The following ACOT12 variants were observed in gnomAD, a reference collection of about 807,000 sequenced individuals.
ACOT12 encodes the protein acetyl-coenzyme A thioesterase.
ACOT12 carries 51 observed loss-of-function variants against 67.7 expected under a neutral mutation model. The ratio of observed to expected loss-of-function variants is 0.75; its 90% CI spans 0.60 to 0.95. The LOEUF (loss-of-function observed/expected upper bound fraction) is 0.95, where lower values mean the gene tolerates loss of function less well. ACOT12 is among the 40% of genes least tolerant of loss of function. The pLI, the probability that ACOT12 is intolerant of heterozygous loss-of-function variation, is 0.00. For missense variants in ACOT12, 734 were observed against 708.1 expected (o/e 1.04, Z -0.41); for synonymous variants, 251 against 244.6 (o/e 1.03, Z -0.24).
At chr5:81,378,405 C>T (rs1406250031) in intron 2 of ACOT12, among the ~76,000 whole-genome samples, 51 of 152,098 alleles carry the variant, frequency 3.4e-4, no homozygotes, top group Admixed American at 3.3e-3. Flanking sequence ...CTAGGCAATA[C>T]CATTCAGGAC....
At chr5:81,359,860 T>C (rs1370154045) in intron 5 of ACOT12, 43 bp downstream of exon 5, 3 of 1,573,170 alleles carry the variant, frequency 1.9e-6, no homozygotes, top group Non-Finnish European at 2.6e-6. Context: ...CCTTTGCCTG[T>C]CACAGTTATA....
chr5:81,392,192 T>A (rs1205384706), intron 1 of ACOT12, among the ~76,000 whole-genome samples: 1 of 152,168 alleles, frequency 6.6e-6, no homozygotes, highest in Non-Finnish European at 1.5e-5. Flanking sequence ...ATGACTGGGA[T>A]TGCAGTAATG....
intron 1 of ACOT12, among the ~76,000 whole-genome samples, chr5:81,387,532 CT>C (rs71000823): frequency 0.088 from 11,212 of 127,220 alleles, 510 homozygotes; most frequent in Middle Eastern, 0.16. Context: ...TCTTGAGTAT[CT>C]TTTTTTTTTT....
chr5:81,332,897 C>A (rs1333603032), intron 12 of ACOT12, among the ~76,000 whole-genome samples: 1 of 151,962 alleles, frequency 6.6e-6, no homozygotes, highest in Non-Finnish European at 1.5e-5. Context: ...AAAACCCTAT[C>A]TTTATAAAAA....
the ACOT12 span, chr5:81,311,154 T>A: frequency 6.3e-7 from 1 of 1,578,988 alleles, no homozygotes; most frequent in Non-Finnish European, 8.7e-7. Context: ...TGCTTTGAGA[T>A]GTTAAAAACC....
Position 81,371,790 on chromosome 5 carries a change from A to T in ACOT12, c.218T>A (p.Ile73Asn). ...GAATGCTCTAGTAACTTTTGCTTTGATGGTTATAACTTGTCCAACTCTAGG... is the reference window on the plus strand; with the variant it reads ...GAATGCTCTAGTAACTTTTGCTTTGTTGGTTATAACTTGTCCAACTCTAGG... ...ETARVGQVITIKAKVTRAFST... is the reference protein window; with the variant it reads ...ETARVGQVITNKAKVTRAFST... Residue 73 changes from isoleucine to asparagine, a missense_variant, in exon 3 of 15, where the codon ATC becomes AAC. Transcript: ENST00000307624. 1 of 1,614,138 alleles carries T rather than the reference A, an allele frequency of 6.2e-7. No homozygotes were observed.
the ACOT12 span, among the ~76,000 whole-genome samples, chr5:81,314,481 C>T: frequency 6.0e-4 from 91 of 152,130 alleles, no homozygotes; most frequent in African/African-American, 2.1e-3. Flanking sequence ...CTGAATGTAA[C>T]ATTAAACACG....
chr5:81,322,958 G>C, the ACOT12 span, among the ~76,000 whole-genome samples: 2 of 151,906 alleles, frequency 1.3e-5, no homozygotes, highest in Non-Finnish European at 2.9e-5. Flanking sequence ...GGATTATAGG[G>C]ATTACAATTC....
rs1174593861 is a variant in ACOT12, at chr5:81,335,767, C to T, written c.1262+1G>A. 1 of 1,603,046 alleles carries T rather than the reference C, an allele frequency of 6.2e-7. No individual in the cohort carries two copies. The highest frequency in any genetic ancestry group is 8.5e-7 in the Non-Finnish European group (1 of 1,177,194). On this transcript the variant is annotated splice_donor_variant, in intron 12 of 14. Coordinates refer to ENST00000307624, the MANE Select transcript of ACOT12 (RefSeq NM_130767.3). LOFTEE classifies it high-confidence loss of function. ...AGAAAAATTTTTAAATTTGTTCTTA[C>T]ACAAAATGGGGGTCCCACAAAGGTC...
At chr5:81,311,431 T>A in the ACOT12 span, 1 of 825,386 alleles carries the variant, frequency 1.2e-6, no homozygotes, top group Non-Finnish European at 2.0e-6. Context: ...CTGTCAGCAA[T>A]AGACACACAT....
rs535107448 is a variant in ACOT12 at position 81,360,214 on chromosome 5, TA to T, written c.361-177del. Among the ~76,000 whole-genome samples, 9 of 152,302 alleles carry T rather than the reference TA, an allele frequency of 5.9e-5. No individual in the cohort carries two copies. The South Asian group carries it at 1.0e-3, about 18-fold the overall frequency. ...ATTTTTTCTTAAATTATTTTTAAACTAAAAAAATCAACATAGGCGTAATTAT... is the reference window on the plus strand; with the variant it reads ...ATTTTTTCTTAAATTATTTTTAAACTAAAAAATCAACATAGGCGTAATTAT... On this transcript the variant is annotated intron_variant, in intron 4 of 14. Transcript: ENST00000307624.
In ACOT12 at chr5:81,344,234, T is replaced by C. The variant is rs770866549; in HGVS notation, c.925-19A>G. On this transcript the variant is annotated intron_variant, in intron 8 of 14. Coordinates refer to ENST00000307624, the MANE Select transcript of ACOT12 (RefSeq NM_130767.3). ...AATCATCCTTTAATCAAAAACAAAG[T>C]AAAATCAATAAAATAAAATAAAATA... 19 of 1,601,248 alleles carry C rather than the reference T, an allele frequency of 1.2e-5. No individual in the cohort carries two copies. In the East Asian group the frequency reaches 2.3e-4, roughly 19 times the overall value.
At chr5:81,381,060 A>G (rs891558862) in intron 2 of ACOT12, among the ~76,000 whole-genome samples, 1 of 151,634 alleles carries the variant, frequency 6.6e-6, no homozygotes, top group Non-Finnish European at 1.5e-5. Flanking sequence ...AAAATGCAGT[A>G]TTAAAACCTT....
At chr5:81,333,272 T>G (rs565153099) in intron 12 of ACOT12, among the ~76,000 whole-genome samples, 1 of 152,228 alleles carries the variant, frequency 6.6e-6, no homozygotes, top group East Asian at 1.9e-4. Flanking sequence ...GTAAATCATA[T>G]AGTCAGTCCA....
At chr5:81,379,444 C>G (rs181468354) in intron 2 of ACOT12, among the ~76,000 whole-genome samples, 1 of 151,720 alleles carries the variant, frequency 6.6e-6, no homozygotes, top group Non-Finnish European at 1.5e-5. Context: ...CAAACCTGCA[C>G]GTTCTGCACA....
At chr5:81,314,769 G>T in the ACOT12 span, among the ~76,000 whole-genome samples, 1 of 152,070 alleles carries the variant, frequency 6.6e-6, no homozygotes, top group Non-Finnish European at 1.5e-5. Flanking sequence ...ATACCAGCAA[G>T]AAATGTTTTA....
intron 1 of ACOT12, among the ~76,000 whole-genome samples, chr5:81,393,658 A>G (rs1286424544): frequency 6.6e-6 from 1 of 152,088 alleles, no homozygotes; most frequent in Non-Finnish European, 1.5e-5. Context: ...TCGAGGCTGC[A>G]GCGACCTCTG....
intron 1 of ACOT12, among the ~76,000 whole-genome samples, chr5:81,388,231 A>G (rs1336572432): frequency 6.6e-6 from 1 of 152,218 alleles, no homozygotes; most frequent in African/African-American, 2.4e-5. Flanking sequence ...ACGTGGCTAA[A>G]TATGGGTTTC....
intron 1 of ACOT12, among the ~76,000 whole-genome samples, chr5:81,386,996 T>A (rs1054255611): frequency 7.2e-5 from 4 of 55,260 alleles, no homozygotes; most frequent in African/African-American, 3.5e-4. Context: ...ATGAGTTCCA[T>A]TTTTTTTTTT....
Sources: allele counts gnomAD v4.1 joint callset (sites outside exome capture counted in the v4.1 genomes callset), GRCh38; gene constraint gnomAD v4.1.1; transcripts MANE v1.5; gene names NCBI Gene and HGNC (gene_info 2026-07-23, HGNC 2026-07-21).